Variants in DYNC1LI1 observed in about 807,000 individuals in gnomAD.
DYNC1LI1 encodes dynein cytoplasmic 1 light intermediate chain 1.
A neutral mutation model predicts 63.8 loss-of-function variants in DYNC1LI1; 19 were observed. That is an observed-to-expected ratio of 0.30 (90% confidence interval 0.21 to 0.44). The LOEUF is 0.44. Among genes scored for constraint, DYNC1LI1 ranks in the 20% least tolerant of loss-of-function variants. The pLI is 1.00. For synonymous variants in DYNC1LI1, 225 were observed against 232.3 expected (o/e 0.97, Z 0.28); for missense variants, 565 against 630.2 (o/e 0.90, Z 1.11).
At position 32,529,774 on chromosome 3, in the gene DYNC1LI1, T is replaced by A; in HGVS notation, c.1186-114A>T. The A allele has an allele frequency of 4.4e-6, 4 of 901,164 alleles. No individual in the cohort carries two copies. In the South Asian group the frequency reaches 6.0e-5, roughly 14 times the overall value. 55.8% of individuals were successfully genotyped at this position (901,164 alleles called of 1,614,324 possible). On this transcript the variant is annotated intron_variant, in intron 10 of 12. Transcript: ENST00000273130. ...CTATCCCCTGTTCTACTGGTACTTT[T>A]ACACTGCAAGCCATTGACAAAATTG...
chr3:32,526,863 G>C lies in DYNC1LI1; in HGVS notation c.1508C>G (p.Thr503Arg). The C allele has an allele frequency of 6.2e-7, 1 of 1,614,010 alleles. No individual in the cohort carries two copies. The highest frequency in any genetic ancestry group is 8.5e-7 in the Non-Finnish European group (1 of 1,179,938). Reference sequence around the variant, plus strand: ...GGGAGAAACTGTAACTGGTTTTCGTGTAATTCTGTCTAGTTCTGCATGAAC... The same window carrying C: ...GGGAGAAACTGTAACTGGTTTTCGTCTAATTCTGTCTAGTTCTGCATGAAC... The part of the protein sequence containing the change: ...LDVHAELDRI[T>R]RKPVTVSPTT... The change falls in exon 13 of 13, where the codon ACA becomes AGA. Residue 503 changes from threonine to arginine, a missense_variant. Thr to Arg is a moderately conservative substitution (Grantham distance 71). Coordinates refer to ENST00000273130, the MANE Select transcript of DYNC1LI1 (RefSeq NM_016141.4).
chr3:32,537,027 C>A lies in DYNC1LI1; in HGVS notation c.816G>T (p.Arg272=). 6.3e-7 allele frequency: 1 copy of A among 1,588,046 alleles called. No homozygotes were observed. The highest frequency in any genetic ancestry group is 8.6e-7 in the Non-Finnish European group (1 of 1,163,672). Reference sequence around the variant, plus strand: ...AAAGGATACACTGTAAACAAAACTTCCGGATATGTGACTGAATAAAATCAA... The same window carrying A: ...AAAGGATACACTGTAAACAAAACTTACGGATATGTGACTGAATAAAATCAA... ...EHFDFIQSHI[R]KFCLQYGAAL... is the part of the protein sequence containing the mutation. The change falls in exon 6 of 13, where the codon CGG becomes CGT. Residue 272 remains arginine (R), a synonymous_variant. Transcript: ENST00000273130.
At position 32,539,476 on chromosome 3, in the gene DYNC1LI1, T is replaced by TA. The variant is rs748087423; in HGVS notation, c.738+1560dup. Reference sequence around the variant, plus strand: ...TCATTTTCTTAACTATTCCATGACTTACGAACAGTAAAAACACACACTTAG... The same window carrying TA: ...TCATTTTCTTAACTATTCCATGACTTAACGAACAGTAAAAACACACACTTAG... On this transcript the variant is annotated intron_variant, in intron 5 of 12. Coordinates refer to ENST00000273130, the MANE Select transcript of DYNC1LI1 (RefSeq NM_016141.4). Among the ~76,000 whole-genome samples, 26 of 152,240 alleles carry TA rather than the reference T, an allele frequency of 1.7e-4. No individual in the cohort carries two copies. The East Asian group carries it at 1.7e-3, about 10-fold the overall frequency.
At chr3:32,528,644 A>G in intron 11 of DYNC1LI1, 43 bp from the exon 12 acceptor site, 1 of 1,545,452 alleles carries the variant, frequency 6.5e-7, no homozygotes, top group Non-Finnish European at 8.7e-7. Flanking sequence ...CCAAAACATA[A>G]GATTCTTCCT....
Position 32,530,460 on chromosome 3 carries a change from C to A in DYNC1LI1, c.1140+1G>T. 1 of 1,613,124 alleles carries A rather than the reference C, an allele frequency of 6.2e-7. No individual in the cohort carries two copies. The highest frequency in any genetic ancestry group is 8.5e-7 in the Non-Finnish European group (1 of 1,179,592). ...AGTCTGCTTCTGATATAATTTCATACCTGTAGCTTCATAAGAAACACCTGA... is the reference window on the plus strand; with the variant it reads ...AGTCTGCTTCTGATATAATTTCATAACTGTAGCTTCATAAGAAACACCTGA... On this transcript the variant is annotated splice_donor_variant, in intron 9 of 12. Transcript: ENST00000273130. LOFTEE classifies it high-confidence loss of function.
chr3:32,545,101 T>C lies in DYNC1LI1; in HGVS notation c.343A>G (p.Thr115Ala). 1 of 1,607,922 alleles carries C rather than the reference T, an allele frequency of 6.2e-7. No individual in the cohort carries two copies. The highest frequency in any genetic ancestry group is 8.5e-7 in the Non-Finnish European group (1 of 1,174,474). The stretch of plus-strand genomic sequence containing the variant: ...TCTAAGATCCAAACATTACATCTTG[T>C]TTGATCTACAACAGACAAAACAAAG... The part of the protein sequence containing the change: ...NVHDEDRDDQ[T>A]RCNVWILDGD... The change falls in exon 4 of 13, where the codon ACA becomes GCA. Residue 115 changes from threonine (T) to alanine (A), a missense_variant. Physicochemically the swap from Thr to Ala is moderately conservative, Grantham distance 58. Coordinates refer to ENST00000273130, the MANE Select transcript of DYNC1LI1 (RefSeq NM_016141.4).
At position 32,526,825 on chromosome 3, in the gene DYNC1LI1, A is replaced by G; in HGVS notation, c.1546T>C (p.Ser516Pro). The G allele has an allele frequency of 6.2e-7, 1 of 1,613,254 alleles. No homozygotes were observed. The highest frequency in any genetic ancestry group is 2.2e-5 in the East Asian group (1 of 44,856). The change falls in exon 13 of 13, where the codon TCT becomes CCT. Residue 516 changes from serine to proline, a missense_variant. By Grantham distance (74) the Ser-to-Pro change is moderately conservative. Transcript: ENST00000273130. The stretch of plus-strand genomic sequence containing the variant: ...CAAGAAGCTTCTCCTTCCGTAGGAG[A>G]TGTAGGTGTTGTGGGAGAAACTGTA... ...PVTVSPTTPT[S>P]PTEGEAS
intron 8 of DYNC1LI1, chr3:32,531,369 C>G (rs1439702178): frequency 2.0e-5 from 3 of 152,294 alleles, no homozygotes; most frequent in African/African-American, 7.3e-5. Context: ...CAGCATTCTC[C>G]CCCCTTTATC....
At chr3:32,540,571 C>CT (rs1184458672) in intron 5 of DYNC1LI1, among the ~76,000 whole-genome samples, 3 of 151,212 alleles carry the variant, frequency 2.0e-5, no homozygotes, top group African/African-American at 7.3e-5. Context: ...ATCCCAGCTA[C>CT]TACGGAGGCT....
In DYNC1LI1 at chr3:32,549,923, TAAA is replaced by T. The variant is rs774049200; in HGVS notation, c.221-3961_221-3959del. 2.0e-5 allele frequency among the ~76,000 whole-genome samples: 3 copies of T among 152,128 alleles called. No individual in the cohort carries two copies. The East Asian group carries it at 5.8e-4, about 29-fold the overall frequency. ...TTACTTAAATATAAAGGCTTCCAAATAAAAAATACGTAGCTGCAGAAAATCTCA... is the reference window on the plus strand; with the variant it reads ...TTACTTAAATATAAAGGCTTCCAAATAAATACGTAGCTGCAGAAAATCTCA... On this transcript the variant is annotated intron_variant, in intron 2 of 12. Coordinates refer to ENST00000273130, the MANE Select transcript of DYNC1LI1 (RefSeq NM_016141.4).
chr3:32,529,520 T>G lies in DYNC1LI1; in HGVS notation c.1306+20A>C. On this transcript the variant is annotated intron_variant, in intron 11 of 12. Coordinates refer to ENST00000273130, the MANE Select transcript of DYNC1LI1 (RefSeq NM_016141.4). ...TCTTGTAAAATGTATTGTCTTGTTA[T>G]CTCCTAGAAAGAGATGTACCTTTCA... is the stretch of plus-strand genomic sequence containing the variant. 1 of 1,590,056 alleles carries G rather than the reference T, an allele frequency of 6.3e-7. No homozygotes were observed. The highest frequency in any genetic ancestry group is 1.1e-5 in the South Asian group (1 of 87,018).
chr3:32,563,269 G>C (rs2125445883), intron 2 of DYNC1LI1, among the ~76,000 whole-genome samples: 1 of 151,630 alleles, frequency 6.6e-6, no homozygotes, highest in Non-Finnish European at 1.5e-5. Flanking sequence ...GGCCCAAAAA[G>C]GTTAGTCCAT....
chr3:32,530,622 T>C (rs939271292), intron 8 of DYNC1LI1, 102 bp from the exon 9 acceptor site: 13 of 1,047,304 alleles, frequency 1.2e-5, no homozygotes, highest in African/African-American at 9.6e-5. Context: ...GTTCAAGAAT[T>C]TGAACATTAC....
chr3:32,545,345 C>T (rs934689642), intron 3 of DYNC1LI1: 5 of 538,840 alleles, frequency 9.3e-6, no homozygotes, highest in African/African-American at 3.8e-5. Context: ...AATGACTTAA[C>T]TGTAGCATCC....
chr3:32,565,358 A>G (rs1698243945), intron 2 of DYNC1LI1, among the ~76,000 whole-genome samples: 1 of 152,234 alleles, frequency 6.6e-6, no homozygotes, highest in South Asian at 2.1e-4. Context: ...AGCAAATCAA[A>G]AAGTTACACT....
At chr3:32,550,107 G>C (rs1175252822) in intron 2 of DYNC1LI1, among the ~76,000 whole-genome samples, 2 of 152,108 alleles carry the variant, frequency 1.3e-5, no homozygotes, top group African/African-American at 4.8e-5. Flanking sequence ...AGTAGATTCA[G>C]AACAGATTTT....
In DYNC1LI1 at chr3:32,533,004, A is replaced by G. The variant is rs1697723023; in HGVS notation, c.1062T>C (p.Thr354=). 7 of 1,586,940 alleles carry G rather than the reference A, an allele frequency of 4.4e-6. No homozygotes were observed. The East Asian group carries it at 1.6e-4, about 37-fold the overall frequency. ...KAEDNFEDII[T]KPPVRKFVHE... ...TGGTTACCTTTCGAACAGGTGGTTT[A>G]GTTATGATGTCTTCAAAATTATCTT... Residue 354 remains threonine, a synonymous_variant, in exon 8 of 13, where the codon ACT becomes ACC. Coordinates refer to ENST00000273130, the MANE Select transcript of DYNC1LI1 (RefSeq NM_016141.4).
chr3:32,566,035 G>A lies in DYNC1LI1; in HGVS notation c.220+4311C>T, dbSNP rs1698254760. On this transcript the variant is annotated intron_variant, in intron 2 of 12. Coordinates refer to ENST00000273130, the MANE Select transcript of DYNC1LI1 (RefSeq NM_016141.4). ...TGTAATCCCAATACTTTGGGAGACT[G>A]AGGTGAGAGAAGGACTGCTTGAGCC... 2.6e-5 allele frequency among the ~76,000 whole-genome samples: 4 copies of A among 152,226 alleles called. No individual in the cohort carries two copies. In the South Asian group the frequency reaches 6.2e-4, roughly 24 times the overall value.
rs1382945833 is a variant in DYNC1LI1 at position 32,570,238 on chromosome 3, G to A, written c.220+108C>T. 4 of 914,484 alleles carry A rather than the reference G, an allele frequency of 4.4e-6. No individual in the cohort carries two copies. In the South Asian group the frequency reaches 5.7e-5, roughly 13 times the overall value. The allele number at this position is 914,484 out of a possible 1,614,324, so 56.6% of individuals were successfully genotyped here. A position where few individuals can be genotyped will look rare whatever the true frequency, so the allele number is the denominator to read the frequency against. ...ACAGGTCGGGAGGCGAGGCGGGGCG[G>A]GGCTGGGCCGGCTGTCCGCACAAAG... On this transcript the variant is annotated intron_variant, in intron 2 of 12. Transcript: ENST00000273130.
Sources: allele counts gnomAD v4.1 joint callset (sites outside exome capture counted in the v4.1 genomes callset), GRCh38; gene constraint gnomAD v4.1.1; transcripts MANE v1.5; gene names NCBI Gene and HGNC (gene_info 2026-07-23, HGNC 2026-07-21).